The following ZDBF2 variants were observed in gnomAD, a reference collection of about 807,000 sequenced individuals.
The protein encoded by ZDBF2 is zinc finger DBF-type containing 2.
A neutral mutation model predicts 9.4 loss-of-function variants in ZDBF2; 6 were observed. The observed-to-expected ratio is 0.64, with a 90% confidence interval of 0.35 to 1.27. The LOEUF is 1.27. Ranked by LOEUF, ZDBF2 falls within the 50% of genes most tolerant of loss-of-function variation. The pLI, the probability that ZDBF2 is intolerant of heterozygous loss-of-function variation, is 0.03. For missense variants in ZDBF2, 2,697 were observed against 2,766.8 expected (o/e 0.97, Z 0.57); for synonymous variants, 905 against 946.3 (o/e 0.96, Z 0.80).
chr2:206,281,869 A>G lies in ZDBF2; in HGVS notation c.20A>G (p.Tyr7Cys), dbSNP rs772608779. 1.2e-6 allele frequency: 2 copies of G among 1,613,478 alleles called. No homozygotes were observed. Among genetic ancestry groups the G allele is most frequent in the South Asian group, 1.1e-5 (1 of 90,988 alleles). The change falls in exon 3 of 5, where the codon TAT becomes TGT. Residue 7 changes from tyrosine (Y) to cysteine (C), a missense_variant. Tyr to Cys is a radical substitution (Grantham distance 194). Around this residue, in one of 3 missense-constraint regions of ZDBF2, gnomAD observed 910 missense variants for 973.6 expected, o/e 0.93. Coordinates refer to ENST00000374423, the MANE Select transcript of ZDBF2 (RefSeq NM_020923.3). ...TTCAAGATGCAGAAAAGACAAGGAT[A>G]TTGCAGTTATTGCCGTGTGCAGTAT... is the stretch of plus-strand genomic sequence containing the variant. MQKRQG[Y>C]CSYCRVQYNN...
chr2:206,301,772 AT>A (rs1247593504), intron 4 of ZDBF2, among the ~76,000 whole-genome samples: 5 of 151,618 alleles, frequency 3.3e-5, no homozygotes, highest in Non-Finnish European at 7.4e-5. Context: ...TTTCATCTTC[AT>A]TAATTTTTTC....
At position 206,292,704 on chromosome 2, in the gene ZDBF2, G is replaced by A. The variant is rs183694029; in HGVS notation, c.61-4542G>A. On this transcript the variant is annotated intron_variant, in intron 3 of 4. Coordinates refer to ENST00000374423, the MANE Select transcript of ZDBF2 (RefSeq NM_020923.3). ...GTTGTTACACTAATGTAAAAAGAAA[G>A]TGTATTTTTATATACAGATACCATG... Among the ~76,000 whole-genome samples the A allele has an allele frequency of 4.6e-3, 706 of 152,100 alleles. 5 individuals carry two copies. Among genetic ancestry groups the A allele is most frequent in the Middle Eastern group, 0.024 (7 of 290 alleles).
intron 3 of ZDBF2, among the ~76,000 whole-genome samples, chr2:206,284,578 T>C (rs1017170995): frequency 6.6e-6 from 1 of 152,238 alleles, no homozygotes; most frequent in Non-Finnish European, 1.5e-5. Context: ...TTTGTATTCA[T>C]TAATTATCCT....
At chr2:206,299,898 G>A (rs1178020366) in intron 4 of ZDBF2, among the ~76,000 whole-genome samples, 4 of 151,626 alleles carry the variant, frequency 2.6e-5, no homozygotes, top group African/African-American at 7.3e-5. Context: ...ACCTGAGGTC[G>A]GGAGTTTGAG....
chr2:206,285,021 G>T (rs1164588389), intron 3 of ZDBF2, among the ~76,000 whole-genome samples: 1 of 152,138 alleles, frequency 6.6e-6, no homozygotes. Flanking sequence ...GAGCCACTGC[G>T]CCTGGCCCCT....
chr2:206,310,501 A>G lies in ZDBF2; in HGVS notation c.5973A>G (p.Glu1991=). 1 of 1,613,518 alleles carries G rather than the reference A, an allele frequency of 6.2e-7. No individual in the cohort carries two copies. The highest frequency in any genetic ancestry group is 8.5e-7 in the Non-Finnish European group (1 of 1,179,808). Reference sequence around the variant, plus strand: ...AGAAAGTCAAAATTGGGACAGTTGAATTTCCTGCATCATGTACTAAAGTTT... The same window carrying G: ...AGAAAGTCAAAATTGGGACAGTTGAGTTTCCTGCATCATGTACTAAAGTTT... ...TKKKVKIGTV[E]FPASCTKVLK... The change falls in exon 5 of 5, where the codon GAA becomes GAG. Residue 1991 remains glutamate (E), a synonymous_variant. Coordinates refer to ENST00000374423, the MANE Select transcript of ZDBF2 (RefSeq NM_020923.3).
At chr2:206,283,706 C>A (rs2105903238) in intron 3 of ZDBF2, among the ~76,000 whole-genome samples, 1 of 152,130 alleles carries the variant, frequency 6.6e-6, no homozygotes, top group African/African-American at 2.4e-5. Context: ...CATTATTGCC[C>A]AGGCTGGAGG....
rs768769289 is a variant in ZDBF2, at chr2:206,307,117, G to A, written c.2589G>A (p.Lys863=). The stretch of plus-strand genomic sequence containing the variant: ...AAGAGTACATTCACTTAGAAAGGAA[G>A]AATGATGAACCCAGTGGTTCTGAAA... The part of the protein sequence containing the change: ...QKEEYIHLER[K]NDEPSGSEIS... Residue 863 remains lysine (K), a synonymous_variant, in exon 5 of 5, where the codon AAG becomes AAA. Coordinates refer to ENST00000374423, the MANE Select transcript of ZDBF2 (RefSeq NM_020923.3). The A allele has an allele frequency of 1.2e-6, 2 of 1,612,186 alleles. No homozygotes were observed. Among genetic ancestry groups the A allele is most frequent in the East Asian group, 2.2e-5 (1 of 44,860 alleles).
intron 3 of ZDBF2, among the ~76,000 whole-genome samples, chr2:206,294,432 T>C (rs181526217): frequency 4.1e-4 from 62 of 152,346 alleles, no homozygotes; most frequent in Admixed American, 3.1e-3. Context: ...CACATTGCTT[T>C]TTTCTTTTTG....
intron 3 of ZDBF2, among the ~76,000 whole-genome samples, chr2:206,284,626 A>G (rs541413355): frequency 1.3e-5 from 2 of 152,324 alleles, no homozygotes; most frequent in East Asian, 1.9e-4. Context: ...CCCAGCTTCT[A>G]GTAATCAGCA....
intron 4 of ZDBF2, among the ~76,000 whole-genome samples, chr2:206,304,213 T>G (rs1559147728): frequency 1.3e-5 from 2 of 152,202 alleles, no homozygotes; most frequent in African/African-American, 4.8e-5. Flanking sequence ...GCCTTTGTCC[T>G]TACACCCGCA....
At position 206,307,039 on chromosome 2, in the gene ZDBF2, T is replaced by G. The variant is rs1238190851; in HGVS notation, c.2511T>G (p.Leu837=). Residue 837 remains leucine, a synonymous_variant, in exon 5 of 5, where the codon CTT becomes CTG. Transcript: ENST00000374423. ...SEITFDSDIP[L]HSGNDHPEVA... is the part of the protein sequence containing the mutation. Reference sequence around the variant, plus strand: ...TAACTTTTGATTCTGATATTCCTCTTCATTCAGGAAATGATCACCCTGAAG... The same window carrying G: ...TAACTTTTGATTCTGATATTCCTCTGCATTCAGGAAATGATCACCCTGAAG... 4 of 1,613,488 alleles carry G rather than the reference T, an allele frequency of 2.5e-6. No individual in the cohort carries two copies. Among genetic ancestry groups the G allele is most frequent in the South Asian group, 2.2e-5 (2 of 91,012 alleles).
chr2:206,281,709 A>C, intron 2 of ZDBF2, 92 bp from the exon 3 acceptor site: 1 of 721,888 alleles, frequency 1.4e-6, no homozygotes, highest in Admixed American at 3.0e-5. Context: ...AATTATTAGA[A>C]GTGAATTTCT....
In ZDBF2 at chr2:206,310,018, A is replaced by T. The variant is rs1285266773; in HGVS notation, c.5490A>T (p.Lys1830Asn). ...LPHVPPSFVGKTWSQIMREDD... is the reference protein window; with the variant it reads ...LPHVPPSFVGNTWSQIMREDD... ...ATGTACCTCCTTCATTTGTGGGGAA[A>T]ACATGGTCTCAGATAATGAGAGAAG... Residue 1830 changes from lysine to asparagine, a missense_variant, in exon 5 of 5, where the codon AAA becomes AAT. Lys to Asn is a moderately conservative substitution (Grantham distance 94). This residue lies in a region of ZDBF2 where 1,783 missense variants were observed against 1,776.5 expected (regional missense o/e 1.00). Coordinates refer to ENST00000374423, the MANE Select transcript of ZDBF2 (RefSeq NM_020923.3). The T allele has an allele frequency of 6.2e-7, 1 of 1,613,256 alleles. No homozygotes were observed. The highest frequency in any genetic ancestry group is 8.5e-7 in the Non-Finnish European group (1 of 1,179,724).
rs1054355489 is a variant in ZDBF2, at chr2:206,310,322, C to T, written c.5794C>T (p.Arg1932Cys). ...PAERPPKQKGRVASQCQTAKI... is the reference protein window; with the variant it reads ...PAERPPKQKGCVASQCQTAKI... ...AGAGAGGCCTCCTAAGCAAAAGGGG[C>T]GTGTGGCTTCTCAATGCCAGACAGC... The change falls in exon 5 of 5, where the codon CGT (arginine) becomes TGT (cysteine). Residue 1932 changes from arginine to cysteine, a missense_variant. By Grantham distance (180) the Arg-to-Cys change is radical (BLOSUM62 -3). Coordinates refer to ENST00000374423, the MANE Select transcript of ZDBF2 (RefSeq NM_020923.3). 21 of 1,613,744 alleles carry T rather than the reference C, an allele frequency of 1.3e-5. No homozygotes were observed. Among genetic ancestry groups the T allele is most frequent in the Admixed American group, 1.7e-5 (1 of 59,982 alleles).
chr2:206,286,205 C>T (rs542829696), intron 3 of ZDBF2, among the ~76,000 whole-genome samples: 1 of 152,236 alleles, frequency 6.6e-6, no homozygotes, highest in South Asian at 2.1e-4. Flanking sequence ...CTGTAAATAT[C>T]TGGTAGGCCT....
At chr2:206,298,994 C>T (rs1692350412) in intron 4 of ZDBF2, among the ~76,000 whole-genome samples, 1 of 151,944 alleles carries the variant, frequency 6.6e-6, no homozygotes, top group South Asian at 2.1e-4. Flanking sequence ...AATTCTCCTG[C>T]CTCAGCCTCT....
At position 206,310,966 on chromosome 2, in the gene ZDBF2, C is replaced by G; in HGVS notation, c.6438C>G (p.Phe2146Leu). The change falls in exon 5 of 5, where the codon TTC becomes TTG. Residue 2146 changes from phenylalanine to leucine, a missense_variant. By Grantham distance (22) the Phe-to-Leu change is conservative. Transcript: ENST00000374423. ...HARELPKKRN[F>L]QLTFLNHDVV... ...GTGAGCTTCCAAAGAAAAGAAATTT[C>G]CAGCTAACATTTTTAAATCATGATG... is the stretch of plus-strand genomic sequence containing the variant. 1 of 1,613,612 alleles carries G rather than the reference C, an allele frequency of 6.2e-7. No homozygotes were observed. Among genetic ancestry groups the G allele is most frequent in the Non-Finnish European group, 8.5e-7 (1 of 1,179,834 alleles).
Position 206,305,921 on chromosome 2 carries a change from T to C in ZDBF2, c.1393T>C (p.Ser465Pro). 6.2e-7 allele frequency: 1 copy of C among 1,613,358 alleles called. No individual in the cohort carries two copies. Among genetic ancestry groups the C allele is most frequent in the Non-Finnish European group, 8.5e-7 (1 of 1,179,646 alleles). The change falls in exon 5 of 5, where the codon TCC becomes CCC. Residue 465 changes from serine (S) to proline (P), a missense_variant. Physicochemically the swap from Ser to Pro is moderately conservative, Grantham distance 74. This residue lies in a region of ZDBF2 where 910 missense variants were observed against 973.6 expected (regional missense o/e 0.93). Transcript: ENST00000374423. ...CATTCTTCACTTGGTTACCAACCAA[T>C]CCCAAATGATTGTTAAAGAAATAAG... ...DDILHLVTNQ[S>P]QMIVKEISLQ...
Sources: allele counts gnomAD v4.1 joint callset (sites outside exome capture counted in the v4.1 genomes callset), GRCh38; gene constraint gnomAD v4.1.1; regional missense constraint gnomAD v4.1.1; transcripts MANE v1.5; gene names NCBI Gene and HGNC (gene_info 2026-07-23, HGNC 2026-07-21).